The following CPT1C variants were observed in gnomAD, a reference collection of about 807,000 sequenced individuals.
CPT1C encodes the protein carnitine palmitoyltransferase 1C.
In CPT1C, 61 loss-of-function variants were observed where a neutral mutation model predicts 97.3. The ratio of observed to expected loss-of-function variants is 0.63; its 90% confidence interval spans 0.51 to 0.78. CPT1C has a LOEUF of 0.78. Among genes scored for constraint, CPT1C ranks in the 30% least tolerant of loss-of-function variants. The pLI, the probability that CPT1C is intolerant of heterozygous loss-of-function variation, is 0.00. For synonymous variants in CPT1C, 469 were observed against 447.2 expected (o/e 1.05, Z -0.61); for missense variants, 975 against 1,065.5 (o/e 0.92, Z 1.18).
intron 3 of CPT1C, among the ~76,000 whole-genome samples, chr19:49,693,045 G>A (rs1029567159): frequency 1.3e-5 from 2 of 152,090 alleles, no homozygotes; most frequent in Non-Finnish European, 2.9e-5. Context: ...TGGATTATAC[G>A]CCCAGCTAAT....
At chr19:49,704,638 C>A (rs2083397316) in intron 7 of CPT1C, 72 bp from the exon 8 acceptor site, 1 of 1,222,922 alleles carries the variant, frequency 8.2e-7, no homozygotes, top group Non-Finnish European at 1.2e-6. Context: ...CATCTGGGGC[C>A]TTCCCTGTCC....
intron 14 of CPT1C, among the ~76,000 whole-genome samples, chr19:49,709,555 AT>A (rs546388616): frequency 0.041 from 5,007 of 122,014 alleles, 174 homozygotes; most frequent in East Asian, 0.16. Flanking sequence ...CCCTATCCCC[AT>A]TTTTTTTTTT....
Position 49,713,476 on chromosome 19 carries a change from G to C in CPT1C, c.2283G>C (p.Leu761=). Residue 761 remains leucine (L), a synonymous_variant, in exon 20 of 20, where the codon CTG becomes CTC. Transcript: ENST00000598293. ...IEDALLDVAS[L]FQAGQHFKRR... ...ACGCACTGCTGGATGTGGCCTCCCT[G>C]TTCCAGGCGGGACAGCATTTTAAGC... 6.2e-7 allele frequency: 1 copy of C among 1,614,218 alleles called. No individual in the cohort carries two copies. The highest frequency in any genetic ancestry group is 1.3e-5 in the African/African-American group (1 of 75,072).
At chr19:49,697,280 AGAG>A in intron 3 of CPT1C, 43 bp from the exon 4 acceptor site, 1 of 1,611,822 alleles carries the variant, frequency 6.2e-7, no homozygotes, top group Non-Finnish European at 8.5e-7. Context: ...ACAGGGGCTC[AGAG>A]GAGAGGGCAG....
chr19:49,698,893 A>G lies in CPT1C; in HGVS notation c.281+1428A>G, dbSNP rs139298903. ...TGAGGCGGGTGGATCACCTGAGGTCAGGAGCTTGAGACCAGTCTGGCCAAC... is the reference window on the plus strand; with the variant it reads ...TGAGGCGGGTGGATCACCTGAGGTCGGGAGCTTGAGACCAGTCTGGCCAAC... On this transcript the variant is annotated intron_variant, in intron 4 of 19. Coordinates refer to ENST00000598293, the MANE Select transcript of CPT1C (RefSeq NM_001199753.2). Among the ~76,000 whole-genome samples the G allele has an allele frequency of 4.7e-3, 708 of 152,026 alleles. 7 individuals are homozygous for G. Among genetic ancestry groups the G allele is most frequent in the Middle Eastern group, 6.8e-3 (2 of 292 alleles).
intron 19 of CPT1C, 33 bp from the exon 20 acceptor site, chr19:49,713,387 G>C (rs2084048485): frequency 6.4e-7 from 1 of 1,573,458 alleles, no homozygotes; most frequent in Non-Finnish European, 8.6e-7. Flanking sequence ...CCATCTCCCA[G>C]CTTCCCCTGG....
At chr19:49,699,377 C>A (rs2082859499) in intron 4 of CPT1C, among the ~76,000 whole-genome samples, 1 of 145,082 alleles carries the variant, frequency 6.9e-6, no homozygotes, top group African/African-American at 2.6e-5. Context: ...CTTGTAATCC[C>A]AGCACTTCGG....
chr19:49,706,653 C>T lies in CPT1C; in HGVS notation c.1343+240C>T, dbSNP rs887218949. ...AAACCAGACCCAGTGACCCCCAAAT[C>T]TGAGACTCCCAAACCCCTGAGCTGG... On this transcript the variant is annotated intron_variant, in intron 12 of 19. Coordinates refer to ENST00000598293, the MANE Select transcript of CPT1C (RefSeq NM_001199753.2). This position sits in a 1 kb window ranked among gnomAD's most constrained non-coding sequence, Gnocchi z 4.8. Among the ~76,000 whole-genome samples, 3 of 152,044 alleles carry T rather than the reference C, an allele frequency of 2.0e-5. No homozygotes were observed. Among genetic ancestry groups the T allele is most frequent in the Non-Finnish European group, 2.9e-5 (2 of 67,988 alleles).
upstream of CPT1C, chr19:49,691,079 G>C (rs914117541): frequency 1.3e-5 from 2 of 152,130 alleles, no homozygotes; most frequent in African/African-American, 4.8e-5. Context: ...GATAGAACGC[G>C]GGGATTGGAA....
intron 4 of CPT1C, 109 bp from the exon 5 acceptor site, chr19:49,700,575 T>C (rs1885731630): frequency 8.0e-7 from 1 of 1,245,030 alleles, no homozygotes. Flanking sequence ...AAAAATGGGT[T>C]TCTCTGTCTG....
At position 49,701,317 on chromosome 19, in the gene CPT1C, G is replaced by T; in HGVS notation, c.454G>T (p.Ala152Ser). Residue 152 changes from alanine to serine, a missense_variant and splice_region_variant, in exon 6 of 20, where the codon GCC (alanine) becomes TCC (serine). Transcript: ENST00000598293. ...TGACCCGGTAACTCCTCCTCCCCAG[G>T]CCCTGGTCCGCATCTTCTCTGGCCG... Reference protein sequence around the residue: ...AMSSPTKTWLALVRIFSGRHP... With the variant: ...AMSSPTKTWLSLVRIFSGRHP... The T allele has an allele frequency of 6.2e-7, 1 of 1,611,460 alleles. No homozygotes were observed. The highest frequency in any genetic ancestry group is 8.5e-7 in the Non-Finnish European group (1 of 1,179,214).
intron 13 of CPT1C, 54 bp from the exon 14 acceptor site, chr19:49,708,669 A>G: frequency 7.5e-7 from 1 of 1,325,866 alleles, no homozygotes; most frequent in Non-Finnish European, 1.1e-6. Context: ...CCCGGGTTAG[A>G]TGGCCTCAGT....
At chr19:49,694,534 C>T (rs1773985778) in intron 3 of CPT1C, among the ~76,000 whole-genome samples, 1 of 148,640 alleles carries the variant, frequency 6.7e-6, no homozygotes, top group African/African-American at 2.5e-5. Flanking sequence ...GAGGCTGAGG[C>T]AGAAGAATCA....
Position 49,704,697 on chromosome 19 carries a change from A to C in CPT1C, c.694-13A>C. ...CCAGCCCCTCACTGTGTGTCTCCCC[A>C]CCCCGCTCCCAGGTCAGTGACTGGT... On this transcript the variant is annotated splice_polypyrimidine_tract_variant and intron_variant, in intron 7 of 19. Coordinates refer to ENST00000598293, the MANE Select transcript of CPT1C (RefSeq NM_001199753.2). The C allele has an allele frequency of 6.2e-7, 1 of 1,607,584 alleles. No individual in the cohort carries two copies. The highest frequency in any genetic ancestry group is 8.5e-7 in the Non-Finnish European group (1 of 1,177,272).
rs777164545 is a variant in CPT1C at position 49,706,449 on chromosome 19, C to T, written c.1343+36C>T. 289 of 1,428,116 alleles carry T rather than the reference C, an allele frequency of 2.0e-4. No individual in the cohort carries two copies. Among genetic ancestry groups the T allele is most frequent in the Non-Finnish European group, 2.4e-4 (264 of 1,097,610 alleles). The allele number at this position is 1,428,116 out of a possible 1,614,324, so 88.5% of individuals were successfully genotyped here. A position where few individuals can be genotyped will look rare whatever the true frequency, so the allele number is the denominator to read the frequency against. On this transcript the variant is annotated intron_variant, in intron 12 of 19. Coordinates refer to ENST00000598293, the MANE Select transcript of CPT1C (RefSeq NM_001199753.2). This position sits in a 1 kb window ranked among gnomAD's most constrained non-coding sequence, Gnocchi z 4.8. ...CTTGGGATGGGGCCCCCAGATGTGG[C>T]ACCCGAGAATCCAGTATCAGACCTA...
rs750218729 is a variant in CPT1C, at chr19:49,701,583, G to A, written c.642G>A (p.Ala214=). 1.9e-6 allele frequency: 3 copies of A among 1,612,378 alleles called. No homozygotes were observed. The highest frequency in any genetic ancestry group is 2.2e-5 in the East Asian group (1 of 44,806). Residue 214 remains alanine (A), a synonymous_variant, in exon 7 of 20, where the codon GCG becomes GCA. Coordinates refer to ENST00000598293, the MANE Select transcript of CPT1C (RefSeq NM_001199753.2). ...VLAQEFLRLQ[A]SLLQWYLRLK... Reference sequence around the variant, plus strand: ...CGCAGGAATTCCTGAGGCTGCAGGCGTCGCTGCTGCAGTGGTACCTGCGGC... The same window carrying A: ...CGCAGGAATTCCTGAGGCTGCAGGCATCGCTGCTGCAGTGGTACCTGCGGC...
chr19:49,692,805 C>T (rs2082429070), intron 3 of CPT1C, among the ~76,000 whole-genome samples: 1 of 152,230 alleles, frequency 6.6e-6, no homozygotes, highest in Admixed American at 6.5e-5. Context: ...CAGCTCACTG[C>T]AACCTCCGCC....
intron 4 of CPT1C, 90 bp downstream of exon 4, chr19:49,697,555 A>C (rs2082737382): frequency 6.9e-7 from 1 of 1,441,974 alleles, no homozygotes; most frequent in African/African-American, 1.4e-5. Context: ...CCTGCTAAAG[A>C]AAAGTAACCT....
Position 49,706,126 on chromosome 19 carries a change from T to A in CPT1C, c.1160+22T>A. 1.3e-6 allele frequency: 2 copies of A among 1,596,376 alleles called. No homozygotes were observed. Among genetic ancestry groups the A allele is most frequent in the Admixed American group, 3.5e-5 (2 of 57,434 alleles). On this transcript the variant is annotated intron_variant, in intron 11 of 19. Transcript: ENST00000598293. This position sits in a 1 kb window ranked among gnomAD's most constrained non-coding sequence, Gnocchi z 4.8. The stretch of plus-strand genomic sequence containing the variant: ...CCAGGTAAGGGTCAGGGGTCAGGGG[T>A]CAGGGGCTCTCAGAGGCCGCCAGTG...
Sources: allele counts gnomAD v4.1 joint callset (sites outside exome capture counted in the v4.1 genomes callset), GRCh38; gene constraint gnomAD v4.1.1; non-coding constraint Gnocchi (gnomAD v3.1); transcripts MANE v1.5; gene names NCBI Gene and HGNC (gene_info 2026-07-23, HGNC 2026-07-21).